The following MALRD1 variants were observed in gnomAD, a reference collection of about 807,000 sequenced individuals.
MALRD1 encodes MAM and LDL-receptor class A domain-containing protein 1.
MALRD1 carries 247 observed loss-of-function variants against 242.1 expected under a neutral mutation model. The observed-to-expected ratio is 1.02, with a 90% CI of 0.92 to 1.13. The LOEUF is 1.13. MALRD1 is among the 50% of genes most tolerant of loss of function. The pLI, the probability that MALRD1 is intolerant of heterozygous loss-of-function variation, is 0.00. For synonymous variants in MALRD1, 995 were observed against 866.6 expected, an observed-to-expected ratio of 1.15 and a Z score of -2.60; for missense variants, 2,989 against 2,533.1, an observed-to-expected ratio of 1.18 and a Z score of -3.86.
intron 29 of MALRD1, among the ~76,000 whole-genome samples, chr10:19,487,407 C>T (rs1158537924): frequency 2.0e-5 from 3 of 150,678 alleles, no homozygotes; most frequent in Admixed American, 6.6e-5. Flanking sequence ...ATATTCTAGT[C>T]ATTGTTCAGT....
chr10:19,280,039 T>C lies in MALRD1; in HGVS notation c.3080-8T>C. On this transcript the variant is annotated splice_polypyrimidine_tract_variant and splice_region_variant and intron_variant, in intron 19 of 39. Transcript: ENST00000454679. ...CTAAATGATGCCTGTATATTATTTC[T>C]TATCAAGGTAATTTGCCAGCAGACC... is the stretch of plus-strand genomic sequence containing the variant. 6.7e-7 allele frequency: 1 copy of C among 1,485,108 alleles called. No homozygotes were observed. The highest frequency in any genetic ancestry group is 2.5e-5 in the East Asian group (1 of 39,816). 92.0% of individuals were successfully genotyped at this position (1,485,108 alleles called of 1,614,324 possible). A position where few individuals can be genotyped will look rare whatever the true frequency, so the allele number is the denominator to read the frequency against.
intron 21 of MALRD1, among the ~76,000 whole-genome samples, chr10:19,298,547 G>A (rs1035294186): frequency 6.6e-6 from 1 of 151,842 alleles, no homozygotes; most frequent in Non-Finnish European, 1.5e-5. Context: ...ATGAGAGAGA[G>A]ACTATAGGAA....
intron 38 of MALRD1, chr10:19,716,941 C>T (rs1005185619): frequency 6.6e-6 from 1 of 152,182 alleles, no homozygotes; most frequent in African/African-American, 2.4e-5. Flanking sequence ...AACCCCTCAT[C>T]AATCAAGTAT....
intron 9 of MALRD1, among the ~76,000 whole-genome samples, chr10:19,134,699 A>G (rs1157391414): frequency 6.6e-6 from 1 of 152,228 alleles, no homozygotes; most frequent in Non-Finnish European, 1.5e-5. Flanking sequence ...ATAGGCTGAT[A>G]TCTGTTTTTA....
chr10:19,655,525 T>TGA (rs1191880151), intron 36 of MALRD1, among the ~76,000 whole-genome samples: 2 of 123,634 alleles, frequency 1.6e-5, no homozygotes, highest in Admixed American at 9.0e-5. Context: ...TATATATGTG[T>TGA]GAGTGTATAT....
chr10:19,307,230 A>G (rs941140969), intron 21 of MALRD1, among the ~76,000 whole-genome samples: 3 of 147,982 alleles, frequency 2.0e-5, no homozygotes, highest in African/African-American at 4.9e-5. Flanking sequence ...AGAAACATCA[A>G]ACTCTCTCAC....
At chr10:19,245,187 G>A (rs1288968034) in intron 18 of MALRD1, among the ~76,000 whole-genome samples, 3 of 152,176 alleles carry the variant, frequency 2.0e-5, no homozygotes, top group Admixed American at 6.5e-5. Context: ...CTTATGCACT[G>A]AGAGTTCACA....
intron 38 of MALRD1, among the ~76,000 whole-genome samples, chr10:19,713,437 A>G (rs1263153837): frequency 1.3e-5 from 2 of 151,534 alleles, no homozygotes; most frequent in Non-Finnish European, 2.9e-5. Context: ...TTGGAAAATA[A>G]AAGACTTTGG....
intron 10 of MALRD1, among the ~76,000 whole-genome samples, chr10:19,145,381 T>C (rs1468906368): frequency 6.6e-6 from 1 of 152,142 alleles, no homozygotes; most frequent in African/African-American, 2.4e-5. Flanking sequence ...CAGTGGCTCA[T>C]GCCTGTAAAC....
intron 21 of MALRD1, among the ~76,000 whole-genome samples, chr10:19,287,383 T>C (rs759725883): frequency 3.5e-4 from 53 of 152,132 alleles, no homozygotes; most frequent in Non-Finnish European, 7.2e-4. Context: ...CCCAAATTCC[T>C]ATTTCTCTCC....
intron 36 of MALRD1, among the ~76,000 whole-genome samples, chr10:19,665,667 A>T (rs969057573): frequency 6.6e-6 from 1 of 152,126 alleles, no homozygotes; most frequent in East Asian, 1.9e-4. Flanking sequence ...AAACGTGGGC[A>T]TTCAGGGCTT....
intron 36 of MALRD1, among the ~76,000 whole-genome samples, chr10:19,671,865 A>C (rs556994086): frequency 1.4e-4 from 22 of 152,310 alleles, no homozygotes; most frequent in African/African-American, 4.8e-4. Flanking sequence ...GAAACTGCTG[A>C]ACCCTAAGCA....
chr10:19,580,273 A>G (rs561474066), intron 33 of MALRD1, among the ~76,000 whole-genome samples: 2 of 152,164 alleles, frequency 1.3e-5, no homozygotes, highest in South Asian at 2.1e-4. Context: ...ATTTTTGGTT[A>G]TGGAGGAATT....
At chr10:19,381,056 C>T (rs1372523681) in intron 26 of MALRD1, among the ~76,000 whole-genome samples, 1 of 115,770 alleles carries the variant, frequency 8.6e-6, no homozygotes, top group Non-Finnish European at 1.7e-5. Context: ...CTATCCCTCC[C>T]CCCTCCCCCC....
At chr10:19,510,711 A>G (rs560935758) in intron 31 of MALRD1, among the ~76,000 whole-genome samples, 2 of 152,248 alleles carry the variant, frequency 1.3e-5, no homozygotes, top group Admixed American at 6.5e-5. Context: ...TCTTATGTCT[A>G]CTTCTTTCTA....
intron 5 of MALRD1, among the ~76,000 whole-genome samples, chr10:19,107,446 C>T (rs1473212868): frequency 2.6e-5 from 4 of 151,822 alleles, no homozygotes; most frequent in Non-Finnish European, 5.9e-5. Context: ...GTTATAGCTA[C>T]TGCTGGTCTC....
Position 19,140,324 on chromosome 10 carries a change from T to C in MALRD1, c.1411+3543T>C, listed in dbSNP as rs557457987. Among the ~76,000 whole-genome samples the C allele has an allele frequency of 1.8e-4, 28 of 152,314 alleles. 1 individual carries two copies. In the South Asian group the frequency reaches 5.8e-3, roughly 32 times the overall value. On this transcript the variant is annotated intron_variant, in intron 10 of 39. Transcript: ENST00000454679. The stretch of plus-strand genomic sequence containing the variant: ...GCAAGAGAAAGCTTTGTCATGATCT[T>C]AAAATATTACTTTAACTGATGAACT...
At chr10:19,610,929 G>A (rs555217295) in intron 35 of MALRD1, among the ~76,000 whole-genome samples, 8 of 152,050 alleles carry the variant, frequency 5.3e-5, no homozygotes, top group East Asian at 3.9e-4. Flanking sequence ...CAGGCCTTAC[G>A]TAAATGGTAG....
At chr10:19,428,185 T>C (rs1057481591) in intron 28 of MALRD1, among the ~76,000 whole-genome samples, 6 of 151,850 alleles carry the variant, frequency 4.0e-5, no homozygotes, top group African/African-American at 2.4e-5. Context: ...AATTAGGAGA[T>C]GGGTGGATGA....
Sources: gnomAD v4.1 joint callset for allele counts (sites outside exome capture counted in the v4.1 genomes callset) on GRCh38, gnomAD v4.1.1 for gene constraint, MANE v1.5 for transcripts, NCBI Gene and HGNC (gene_info 2026-07-23, HGNC 2026-07-21) for gene names.